Variants in THEMIS observed in about 807,000 individuals in gnomAD.
The protein encoded by THEMIS is thymocyte selection associated.
In THEMIS, 37 loss-of-function variants were observed where a neutral mutation model predicts 52.6. That is an observed-to-expected ratio of 0.70 (90% CI 0.54 to 0.93). The LOEUF (loss-of-function observed/expected upper bound fraction) is 0.93, where lower values mean the gene tolerates loss of function less well. Ranked by LOEUF, THEMIS falls within the 40% of genes least tolerant of loss-of-function variation. The pLI, the probability that THEMIS is intolerant of heterozygous loss-of-function variation, is 0.00. For synonymous variants in THEMIS, 292 were observed against 272.7 expected, an observed-to-expected ratio of 1.07 and a Z score of -0.70; for missense variants, 808 against 763.1, an observed-to-expected ratio of 1.06 and a Z score of -0.69.
At chr6:127,859,686 C>T (rs1779732402) in intron 1 of THEMIS, among the ~76,000 whole-genome samples, 1 of 152,150 alleles carries the variant, frequency 6.6e-6, no homozygotes, top group Admixed American at 6.5e-5. Flanking sequence ...GAAGTATATA[C>T]AAGCTGACTA....
intron 4 of THEMIS, among the ~76,000 whole-genome samples, chr6:127,787,962 G>C (rs1241349689): frequency 6.6e-6 from 1 of 152,024 alleles, no homozygotes; most frequent in Non-Finnish European, 1.5e-5. Context: ...GTCTAGATTA[G>C]AAAACAGATA....
chr6:127,860,463 T>C (rs1779759177), intron 1 of THEMIS, among the ~76,000 whole-genome samples: 1 of 152,108 alleles, frequency 6.6e-6, no homozygotes, highest in Non-Finnish European at 1.5e-5. Flanking sequence ...GTTATGGCTG[T>C]GCTAAGAACT....
At chr6:127,791,754 C>T (rs930975699) in intron 4 of THEMIS, among the ~76,000 whole-genome samples, 2 of 152,160 alleles carry the variant, frequency 1.3e-5, no homozygotes, top group African/African-American at 4.8e-5. Flanking sequence ...CACCCTCCCT[C>T]CCATGTTTGT....
At chr6:127,775,917 T>C (rs1048707539) in intron 4 of THEMIS, among the ~76,000 whole-genome samples, 5 of 152,170 alleles carry the variant, frequency 3.3e-5, no homozygotes, top group Non-Finnish European at 5.9e-5. Flanking sequence ...GATATATGTA[T>C]CTCTAACATT....
intron 4 of THEMIS, among the ~76,000 whole-genome samples, chr6:127,809,447 C>G (rs1258349253): frequency 6.6e-6 from 1 of 152,128 alleles, no homozygotes; most frequent in African/African-American, 2.4e-5. Flanking sequence ...TTCCTGCCTT[C>G]ATGGTAAAAA....
rs116869020 is a variant in THEMIS at position 127,749,042 on chromosome 6, A to G, written c.1759-29219T>C. Among the ~76,000 whole-genome samples the G allele has an allele frequency of 6.8e-3, 1,036 of 152,188 alleles. 3 individuals are homozygous for G. The highest frequency in any genetic ancestry group is 0.012 in the Admixed American group (187 of 15,246). ...TGAACTTTAAGGTCTCATTTAGTTT[A>G]ACATTCCACAATTCTTCATGAATGG... On this transcript the variant is annotated intron_variant, in intron 4 of 5. Transcript: ENST00000368248.
intron 3 of THEMIS, among the ~76,000 whole-genome samples, chr6:127,817,813 A>C (rs1583312030): frequency 6.6e-6 from 1 of 151,804 alleles, no homozygotes; most frequent in Admixed American, 6.6e-5. Context: ...AAGAGATAAA[A>C]CTCCTAGGGT....
intron 4 of THEMIS, among the ~76,000 whole-genome samples, chr6:127,801,552 G>C (rs145049201): frequency 6.6e-6 from 1 of 152,280 alleles, no homozygotes; most frequent in Non-Finnish European, 1.5e-5. Flanking sequence ...TGGAGACACT[G>C]AGTTTCGAAA....
At chr6:127,703,034 A>AGTT in the THEMIS span, among the ~76,000 whole-genome samples, 3 of 55,172 alleles carry the variant, frequency 5.4e-5, no homozygotes, top group African/African-American at 1.7e-4. Flanking sequence ...CTTTAGAATG[A>AGTT]GTTTTTTTTT....
At chr6:127,907,336 G>GGTTTTTTTTTTTTTT (rs1444629822) in intron 1 of THEMIS, among the ~76,000 whole-genome samples, 1 of 28,602 alleles carries the variant, frequency 3.5e-5, no homozygotes, top group Non-Finnish European at 7.9e-5. Flanking sequence ...ATTAGGCTCG[G>GGTTTTTTTTTTTTTT]ATTTTTTTTT....
At chr6:127,795,564 G>A (rs1005052132) in intron 4 of THEMIS, among the ~76,000 whole-genome samples, 3 of 152,116 alleles carry the variant, frequency 2.0e-5, no homozygotes, top group East Asian at 1.9e-4. Flanking sequence ...TCCTGACCTC[G>A]TGATCTGCCC....
At chr6:127,840,788 A>G (rs901149685) in intron 2 of THEMIS, among the ~76,000 whole-genome samples, 1 of 152,100 alleles carries the variant, frequency 6.6e-6, no homozygotes, top group Non-Finnish European at 1.5e-5. Context: ...GACTTATTAC[A>G]TCATGAAAAG....
At chr6:127,824,807 C>T (rs962899106) in intron 3 of THEMIS, among the ~76,000 whole-genome samples, 1 of 152,146 alleles carries the variant, frequency 6.6e-6, no homozygotes, top group Non-Finnish European at 1.5e-5. Flanking sequence ...CGCCTGTAGT[C>T]CCAGCTACTT....
intron 4 of THEMIS, among the ~76,000 whole-genome samples, chr6:127,738,464 A>G (rs924368313): frequency 6.6e-6 from 1 of 152,198 alleles, no homozygotes; most frequent in African/African-American, 2.4e-5. Flanking sequence ...AAGAGTTACA[A>G]GGTTTTTCAT....
chr6:127,846,370 A>G (rs1262378611), intron 2 of THEMIS, among the ~76,000 whole-genome samples: 1 of 152,000 alleles, frequency 6.6e-6, no homozygotes, highest in African/African-American at 2.4e-5. Flanking sequence ...CAAGCAATCA[A>G]TAGAAGCTGT....
At position 127,719,802 on chromosome 6, in the gene THEMIS, T is replaced by C; in HGVS notation, c.1780A>G (p.Lys594Glu). 6.2e-7 allele frequency: 1 copy of C among 1,612,340 alleles called. No homozygotes were observed. The highest frequency in any genetic ancestry group is 2.2e-5 in the East Asian group (1 of 44,808). The stretch of plus-strand genomic sequence containing the variant: ...CCAGCTTGATTTGGGTGAAGTTTCT[T>C]GGTTATGTCTACGTGATGACGCTGA... ...SPKRHHVDITKKLHPNQAGLD... is the reference protein window; with the variant it reads ...SPKRHHVDITEKLHPNQAGLD... The change falls in exon 5 of 6, where the codon AAG becomes GAG. Residue 594 changes from lysine (K) to glutamate (E), a missense_variant. By Grantham distance (56) the Lys-to-Glu change is moderately conservative. Coordinates refer to ENST00000368248, the MANE Select transcript of THEMIS (RefSeq NM_001010923.3).
intron 1 of THEMIS, chr6:127,910,200 AGAT>A (rs1781376272): frequency 6.6e-6 from 1 of 152,138 alleles, no homozygotes; most frequent in African/African-American, 2.4e-5. Context: ...GGCTTGTTAT[AGAT>A]GATGTTTTTT....
chr6:127,754,266 G>A (rs923587234), intron 4 of THEMIS, among the ~76,000 whole-genome samples: 6 of 152,150 alleles, frequency 3.9e-5, no homozygotes, highest in Non-Finnish European at 7.4e-5. Flanking sequence ...TAGGTTTCCA[G>A]CCTCTTCCAC....
In THEMIS at chr6:127,753,467, C is replaced by T. The variant is rs915984941; in HGVS notation, c.1759-33644G>A. Among the ~76,000 whole-genome samples the T allele has an allele frequency of 4.6e-5, 7 of 151,802 alleles. No individual in the cohort carries two copies. In the South Asian group the frequency reaches 6.2e-4, roughly 13 times the overall value. ...AAAATTAACCAAGTATGTGAAAGAT[C>T]TGTACACTAAAATCTATAAAGCATT... On this transcript the variant is annotated intron_variant, in intron 4 of 5. Transcript: ENST00000368248.
Sources: gnomAD v4.1 joint callset for allele counts (sites outside exome capture counted in the v4.1 genomes callset) on GRCh38, gnomAD v4.1.1 for gene constraint, MANE v1.5 for transcripts, NCBI Gene and HGNC (gene_info 2026-07-23, HGNC 2026-07-21) for gene names.